Variants in MECOM observed in about 807,000 individuals in gnomAD.
MECOM encodes the protein histone-lysine N-methyltransferase MECOM.
A neutral mutation model predicts 116.3 loss-of-function variants in MECOM; 13 were observed. The observed-to-expected ratio is 0.11, with a 90% confidence interval of 0.07 to 0.18. MECOM has a LOEUF of 0.18. MECOM is among the 10% of genes least tolerant of loss of function. The pLI is 1.00. For synonymous variants in MECOM, 528 were observed against 535.2 expected (o/e 0.99, Z 0.19); for missense variants, 1,299 against 1,509.0 (o/e 0.86, Z 2.31).
intron 1 of MECOM, among the ~76,000 whole-genome samples, chr3:169,446,982 A>G (rs992255066): frequency 3.9e-5 from 6 of 152,192 alleles, no homozygotes; most frequent in African/African-American, 1.4e-4. Context: ...TTTTCAGTAT[A>G]ATTTTGTCAA....
intron 1 of MECOM, chr3:169,483,574 TG>T (rs1360717788): frequency 1.2e-6 from 1 of 804,490 alleles, no homozygotes; most frequent in Non-Finnish European, 1.9e-6. Flanking sequence ...TCCAATTTTC[TG>T]TTCAATCCAC....
At chr3:169,448,990 C>A (rs1416660375) in intron 1 of MECOM, among the ~76,000 whole-genome samples, 1 of 152,160 alleles carries the variant, frequency 6.6e-6, no homozygotes, top group African/African-American at 2.4e-5. Context: ...ACTCCAAAAT[C>A]TCCTGTAGCC....
intron 2 of MECOM, among the ~76,000 whole-genome samples, chr3:169,190,010 C>T (rs1747306856): frequency 6.6e-6 from 1 of 152,030 alleles, no homozygotes; most frequent in Admixed American, 6.6e-5. Context: ...GCAGTTGTAG[C>T]AGATGGGCTG....
At chr3:169,495,298 G>A (rs1578261504) in intron 1 of MECOM, among the ~76,000 whole-genome samples, 1 of 152,176 alleles carries the variant, frequency 6.6e-6, no homozygotes, top group East Asian at 1.9e-4. Flanking sequence ...GACTATAATT[G>A]TATGTGGGGG....
At chr3:169,321,392 T>C (rs1720828385) in intron 2 of MECOM, among the ~76,000 whole-genome samples, 2 of 151,938 alleles carry the variant, frequency 1.3e-5, no homozygotes, top group South Asian at 4.2e-4. Context: ...ATCCCAAAAT[T>C]AGCTGGGCAT....
At chr3:169,449,086 T>A (rs1262919667) in intron 1 of MECOM, among the ~76,000 whole-genome samples, 1 of 152,142 alleles carries the variant, frequency 6.6e-6, no homozygotes, top group African/African-American at 2.4e-5. Context: ...TGAAGCTCAA[T>A]CACGAAAGGT....
At chr3:169,627,392 A>T (rs1771516934) in intron 1 of MECOM, among the ~76,000 whole-genome samples, 2 of 152,266 alleles carry the variant, frequency 1.3e-5, no homozygotes, top group Non-Finnish European at 2.9e-5. Flanking sequence ...ATATGGAGTG[A>T]CATTACCCAG....
At chr3:169,510,118 G>T (rs1755780781) in intron 1 of MECOM, among the ~76,000 whole-genome samples, 2 of 152,224 alleles carry the variant, frequency 1.3e-5, no homozygotes, top group African/African-American at 4.8e-5. Context: ...ATATGCACAA[G>T]CTTTTCTGAA....
At chr3:169,232,357 C>T (rs1427718463) in intron 2 of MECOM, among the ~76,000 whole-genome samples, 3 of 151,830 alleles carry the variant, frequency 2.0e-5, no homozygotes, top group Non-Finnish European at 4.4e-5. Context: ...ATTTGCTGTT[C>T]TTCCAAGCAT....
intron 2 of MECOM, among the ~76,000 whole-genome samples, chr3:169,170,917 G>A (rs1429647587): frequency 6.6e-6 from 1 of 152,064 alleles, no homozygotes; most frequent in African/African-American, 2.4e-5. Flanking sequence ...AATCCACTGG[G>A]CAGTGTTTCA....
intron 2 of MECOM, among the ~76,000 whole-genome samples, chr3:169,327,409 G>C (rs1017184244): frequency 3.3e-5 from 5 of 152,104 alleles, no homozygotes; most frequent in Admixed American, 6.5e-5. Context: ...GGAGGCCAAG[G>C]TGGGCAGATC....
intron 6 of MECOM, 109 bp downstream of exon 6, chr3:169,122,471 A>T: frequency 7.9e-7 from 1 of 1,272,354 alleles, no homozygotes; most frequent in Non-Finnish European, 1.1e-6. Context: ...TTCTCAAGAT[A>T]TTTATAGTTT....
chr3:169,556,207 A>G (rs1316883702), intron 1 of MECOM, among the ~76,000 whole-genome samples: 1 of 152,188 alleles, frequency 6.6e-6, no homozygotes, highest in African/African-American at 2.4e-5. Context: ...TACAACAAGG[A>G]CATGTATTTT....
Position 169,663,481 on chromosome 3 carries a change from T to TCC in MECOM, c.-110_-109insGG, listed in dbSNP as rs1382521078. 5 of 82,474 alleles carry TCC rather than the reference T, an allele frequency of 6.1e-5. No individual in the cohort carries two copies. Among genetic ancestry groups the TCC allele is most frequent in the Non-Finnish European group, 1.1e-4 (5 of 44,448 alleles). The allele number at this position is 82,474 out of a possible 1,614,324, so 5.1% of individuals were successfully genotyped here. ...TCCCTCCCTCTCTCTCCTGTCTCTC[T>TCC]CTCTCTCTCTCTCTCTCTCTCTCTC... On this transcript the variant is annotated 5_prime_UTR_variant, in exon 1 of 17. Coordinates refer to ENST00000651503, the MANE Select transcript of MECOM (RefSeq NM_004991.4).
chr3:169,580,654 C>A (rs1765023138), intron 1 of MECOM, among the ~76,000 whole-genome samples: 1 of 152,096 alleles, frequency 6.6e-6, no homozygotes, highest in Non-Finnish European at 1.5e-5. Flanking sequence ...GAGAGACTCT[C>A]ATTCAAGTGT....
At position 169,183,049 on chromosome 3, in the gene MECOM, C is replaced by T. The variant is rs138444418; in HGVS notation, c.376-39217G>A. 8.5e-5 allele frequency among the ~76,000 whole-genome samples: 13 copies of T among 152,262 alleles called. No individual in the cohort carries two copies. The East Asian group carries it at 2.5e-3, about 29-fold the overall frequency. ...TAACCTTGCTGAACCTCATGATTCT[C>T]ATCTCTAAAGTGAAGATTATACTGT... On this transcript the variant is annotated intron_variant, in intron 2 of 16. Transcript: ENST00000651503.
At chr3:169,544,921 G>C (rs1176249668) in intron 1 of MECOM, among the ~76,000 whole-genome samples, 2 of 152,150 alleles carry the variant, frequency 1.3e-5, no homozygotes, top group African/African-American at 4.8e-5. Context: ...CCTAATGCAT[G>C]CAGGGCTTAA....
chr3:169,572,120 T>C (rs935243100), intron 1 of MECOM, among the ~76,000 whole-genome samples: 2 of 152,048 alleles, frequency 1.3e-5, no homozygotes, highest in African/African-American at 2.4e-5. Flanking sequence ...CCAGAATCTA[T>C]AAGGAACCCA....
chr3:169,304,052 C>G (rs373618560), intron 2 of MECOM, among the ~76,000 whole-genome samples: 1 of 152,198 alleles, frequency 6.6e-6, no homozygotes, highest in Non-Finnish European at 1.5e-5. Context: ...TCAAGGGAAG[C>G]AATTTCATCA....
Sources: gnomAD v4.1 joint callset for allele counts (sites outside exome capture counted in the v4.1 genomes callset) on GRCh38, gnomAD v4.1.1 for gene constraint, MANE v1.5 for transcripts, NCBI Gene and HGNC (gene_info 2026-07-23, HGNC 2026-07-21) for gene names.